The following TULP4 variants were observed in gnomAD, a reference collection of about 807,000 sequenced individuals.
TULP4 encodes tubby-related protein 4.
In TULP4, 16 loss-of-function variants were observed where a neutral mutation model predicts 129.0. The ratio of observed to expected loss-of-function variants is 0.12; its 90% CI spans 0.08 to 0.19. The LOEUF is 0.19. Among genes scored for constraint, TULP4 ranks in the 10% least tolerant of loss-of-function variants. The pLI, the probability that TULP4 is intolerant of heterozygous loss-of-function variation, is 1.00. For synonymous variants in TULP4, 998 were observed against 854.0 expected, an observed-to-expected ratio of 1.17 and a Z score of -2.94; for missense variants, 1,842 against 2,059.1, an observed-to-expected ratio of 0.89 and a Z score of 2.04.
At chr6:158,453,492 A>AAAAAAAAAAAAAAAAAAG (rs1779212507) in intron 5 of TULP4, among the ~76,000 whole-genome samples, 1 of 134,696 alleles carries the variant, frequency 7.4e-6, no homozygotes, top group African/African-American at 3.1e-5. Context: ...TCACAAAAAA[A>AAAAAAAAAAAAAAAAAAG]AAAAAAAAAA....
intron 1 of TULP4, among the ~76,000 whole-genome samples, chr6:158,327,812 T>G (rs1287273710): frequency 6.6e-6 from 1 of 152,204 alleles, no homozygotes; most frequent in Non-Finnish European, 1.5e-5. Flanking sequence ...TCTTTAAATG[T>G]CTAATGATCC....
intron 1 of TULP4, among the ~76,000 whole-genome samples, chr6:158,376,036 T>A (rs1777179117): frequency 1.3e-5 from 2 of 152,120 alleles, no homozygotes; most frequent in African/African-American, 4.8e-5. Flanking sequence ...CCGGAAACTG[T>A]GGACGATGGG....
intron 1 of TULP4, among the ~76,000 whole-genome samples, chr6:158,287,455 C>T (rs913568064): frequency 4.6e-5 from 7 of 152,110 alleles, no homozygotes; most frequent in South Asian, 2.1e-4. Flanking sequence ...TTATTGAATA[C>T]GTAATATATA....
chr6:158,306,241 C>T (rs1003125863), intron 1 of TULP4, among the ~76,000 whole-genome samples: 1 of 152,052 alleles, frequency 6.6e-6, no homozygotes, highest in African/African-American at 2.4e-5. Context: ...TCCTATATAC[C>T]TTAATAAAAT....
At chr6:158,398,984 A>G (rs1266596900) in intron 1 of TULP4, among the ~76,000 whole-genome samples, 1 of 152,150 alleles carries the variant, frequency 6.6e-6, no homozygotes, top group African/African-American at 2.4e-5. Flanking sequence ...TATGTGTGTG[A>G]ACGTTGTGTG....
chr6:158,296,277 T>C (rs978309511), intron 1 of TULP4, among the ~76,000 whole-genome samples: 5 of 152,158 alleles, frequency 3.3e-5, no homozygotes, highest in Non-Finnish European at 2.9e-5. Flanking sequence ...TCCTCCCATA[T>C]TGGGGGAACC....
chr6:158,451,424 G>A (rs1779160405), intron 4 of TULP4, among the ~76,000 whole-genome samples: 1 of 152,346 alleles, frequency 6.6e-6, no homozygotes, highest in South Asian at 2.1e-4. Context: ...GAAGCCTACA[G>A]GAGCCTTCTG....
chr6:158,486,425 T>A lies in TULP4; in HGVS notation c.1487-3163T>A, dbSNP rs190748210. 5.2e-3 allele frequency among the ~76,000 whole-genome samples: 788 copies of A among 151,900 alleles called. 6 individuals are homozygous for A. The highest frequency in any genetic ancestry group is 0.018 in the African/African-American group (738 of 41,424). On this transcript the variant is annotated intron_variant, in intron 8 of 13. Transcript: ENST00000367097. ...AAAATTAGCCGGGCGTGGTGGCGGGTGCATGTAGTCCCAGCTACTCAGGAG... is the reference window on the plus strand; with the variant it reads ...AAAATTAGCCGGGCGTGGTGGCGGGAGCATGTAGTCCCAGCTACTCAGGAG...
intron 3 of TULP4, among the ~76,000 whole-genome samples, chr6:158,441,132 G>A (rs921386877): frequency 4.6e-5 from 7 of 152,166 alleles, no homozygotes; most frequent in African/African-American, 7.2e-5. Context: ...CCCAGCCAAC[G>A]TGGTGAAACC....
chr6:158,380,910 A>AAAAAAAAAAAAAAAAAG (rs779845034), intron 1 of TULP4, among the ~76,000 whole-genome samples: 1 of 135,046 alleles, frequency 7.4e-6, no homozygotes, highest in Non-Finnish European at 1.6e-5. Context: ...AAAAAAAAAA[A>AAAAAAAAAAAAAAAAAG]AAGAAGAAGA....
intron 5 of TULP4, among the ~76,000 whole-genome samples, chr6:158,457,434 T>C (rs1352183838): frequency 6.6e-6 from 1 of 152,184 alleles, no homozygotes; most frequent in Non-Finnish European, 1.5e-5. Context: ...CTGATTTTGC[T>C]TGGCCGTGGT....
intron 1 of TULP4, among the ~76,000 whole-genome samples, chr6:158,314,975 G>A (rs1285621960): frequency 6.6e-6 from 1 of 152,192 alleles, no homozygotes; most frequent in Non-Finnish European, 1.5e-5. Context: ...AAAGAAGAGC[G>A]TGATTGGTAA....
Position 158,502,892 on chromosome 6 carries a change from G to A in TULP4, c.3229G>A (p.Ala1077Thr), listed in dbSNP as rs556070406. Residue 1077 changes from alanine (A) to threonine (T), a missense_variant, in exon 13 of 14, where the codon GCC (alanine) becomes ACC (threonine). Transcript: ENST00000367097. ...SYSLLSPPDS[A>T]RDRTDYVNSA... ...CAGCCTCCTGAGCCCACCCGACAGC[G>A]CCCGCGACCGCACCGACTACGTCAA... 297 of 1,613,768 alleles carry A rather than the reference G, an allele frequency of 1.8e-4. No individual in the cohort carries two copies. The highest frequency in any genetic ancestry group is 5.8e-4 in the East Asian group (26 of 44,872).
chr6:158,497,263 A>G (rs1780354724), intron 11 of TULP4, among the ~76,000 whole-genome samples: 1 of 152,250 alleles, frequency 6.6e-6, no homozygotes. Flanking sequence ...ATTGAATACT[A>G]GAAGGTATGT....
intron 1 of TULP4, among the ~76,000 whole-genome samples, chr6:158,334,871 T>C (rs1779996668): frequency 6.6e-6 from 1 of 152,212 alleles, no homozygotes; most frequent in Admixed American, 6.5e-5. Flanking sequence ...GCTCTTCTGC[T>C]GTGTGAGGAC....
chr6:158,358,476 T>C (rs896865266), intron 1 of TULP4, among the ~76,000 whole-genome samples: 6 of 152,284 alleles, frequency 3.9e-5, no homozygotes, highest in African/African-American at 1.4e-4. Flanking sequence ...TATGGATTTA[T>C]GCCTTGTTTG....
chr6:158,450,739 C>T (rs1254153947), intron 4 of TULP4, among the ~76,000 whole-genome samples: 1 of 133,422 alleles, frequency 7.5e-6, no homozygotes, highest in African/African-American at 3.1e-5. Flanking sequence ...TTACTTGCCC[C>T]CATTTTATTA....
intron 1 of TULP4, among the ~76,000 whole-genome samples, chr6:158,317,776 A>G (rs1201875308): frequency 2.6e-5 from 4 of 152,166 alleles, no homozygotes; most frequent in East Asian, 1.9e-4. Flanking sequence ...TCCCACCAAC[A>G]GTGTAAAAGC....
intron 1 of TULP4, among the ~76,000 whole-genome samples, chr6:158,352,553 C>T (rs543908401): frequency 2.5e-4 from 38 of 152,258 alleles, no homozygotes; most frequent in Non-Finnish European, 4.0e-4. Context: ...CCCACCACCA[C>T]GCCTGGCTAA....
Sources: allele counts gnomAD v4.1 joint callset (sites outside exome capture counted in the v4.1 genomes callset), GRCh38; gene constraint gnomAD v4.1.1; transcripts MANE v1.5; gene names NCBI Gene and HGNC (gene_info 2026-07-23, HGNC 2026-07-21).